Variants in LRP8 observed in about 807,000 individuals in gnomAD.
LRP8 encodes LDL receptor related protein 8, also known as low-density lipoprotein receptor-related protein 8.
A neutral mutation model predicts 111.6 loss-of-function variants in LRP8; 46 were observed. The ratio of observed to expected loss-of-function variants is 0.41; its 90% CI spans 0.33 to 0.53. The LOEUF is 0.53. LRP8 is among the 20% of genes least tolerant of loss of function. The probability of loss-of-function intolerance (pLI) is 0.20; values close to 1 mark genes in which losing one functional copy is unlikely to be tolerated. For synonymous variants in LRP8, 464 were observed against 511.2 expected (o/e 0.91, Z 1.24); for missense variants, 959 against 1,297.4 (o/e 0.74, Z 4.01).
In LRP8 at chr1:53,262,435, G is replaced by A. The variant is rs530685387; in HGVS notation, c.1774+11C>T. 6.2e-7 allele frequency: 1 copy of A among 1,612,414 alleles called. No homozygotes were observed. Among genetic ancestry groups the A allele is most frequent in the South Asian group, 1.1e-5 (1 of 91,026 alleles). ...AGAATAGGCCCCCAACCCAGGAAAG[G>A]CAGGGCTCACCCAGGGTGATTCCGT... On this transcript the variant is annotated intron_variant, in intron 11 of 18. Transcript: ENST00000306052. This position sits in a 1 kb window ranked among gnomAD's most constrained non-coding sequence, Gnocchi z 4.8.
chr1:53,292,076 C>G (rs1557818228), intron 2 of LRP8: 2 of 152,192 alleles, frequency 1.3e-5, no homozygotes, highest in African/African-American at 4.8e-5. Context: ...CATGGACCAC[C>G]TTTATTCAAA....
chr1:53,261,918 A>C, intron 12 of LRP8, 150 bp downstream of exon 12: 1 of 922,262 alleles, frequency 1.1e-6, no homozygotes, highest in Non-Finnish European at 1.6e-6. Context: ...CTTTGTGTGC[A>C]GGCAGCTCAC....
intron 16 of LRP8, among the ~76,000 whole-genome samples, chr1:53,252,206 C>G (rs943084730): frequency 6.6e-6 from 1 of 151,842 alleles, no homozygotes; most frequent in Non-Finnish European, 1.5e-5. Flanking sequence ...GATCATTAGC[C>G]GTCTTTTTAA....
chr1:53,250,793 C>T lies in LRP8; in HGVS notation c.2573G>A (p.Ser858Asn), dbSNP rs1317827909. The change falls in exon 17 of 19, where the codon AGC becomes AAC. Residue 858 changes from serine (S) to asparagine (N), a missense_variant. Physicochemically the swap from Ser to Asn is conservative, Grantham distance 46. This residue lies in a region of LRP8 where 819 missense variants were observed against 1,097.6 expected (regional missense o/e 0.75). Coordinates refer to ENST00000306052, the MANE Select transcript of LRP8 (RefSeq NM_004631.5). This position sits in a 1 kb window ranked among gnomAD's most constrained non-coding sequence, Gnocchi z 4.6. Reference protein sequence around the residue: ...WRNWKRKNTKSMNFDNPVYRK... With the variant: ...WRNWKRKNTKNMNFDNPVYRK... ...GTAGACTGGGTTGTCAAAATTCATG[C>T]TTTTGGTGTTCTTCCGCTTCCAGTT... The T allele has an allele frequency of 6.2e-7, 1 of 1,614,002 alleles. No individual in the cohort carries two copies. Among genetic ancestry groups the T allele is most frequent in the Admixed American group, 1.7e-5 (1 of 60,002 alleles).
At chr1:53,292,021 A>G (rs1233259114) in intron 2 of LRP8, 1 of 152,178 alleles carries the variant, frequency 6.6e-6, no homozygotes, top group African/African-American at 2.4e-5. Flanking sequence ...CCTCTGCTCC[A>G]TACTTACAGT....
Position 53,266,423 on chromosome 1 carries a change from C to A in LRP8, c.1427+50G>T, listed in dbSNP as rs753273452. 3.1e-6 allele frequency: 5 copies of A among 1,590,532 alleles called. No homozygotes were observed. The East Asian group carries it at 9.0e-5, about 29-fold the overall frequency. On this transcript the variant is annotated intron_variant, in intron 9 of 18. Coordinates refer to ENST00000306052, the MANE Select transcript of LRP8 (RefSeq NM_004631.5). The surrounding 1 kb of genome is among the most constrained non-coding windows in gnomAD (Gnocchi z 5.0). Reference sequence around the variant, plus strand: ...CTCCTCCCCTCCTCACCTGTCACCACCCCTCACCCCCACTCTTCATGCCTT... The same window carrying A: ...CTCCTCCCCTCCTCACCTGTCACCAACCCTCACCCCCACTCTTCATGCCTT...
At chr1:53,318,222 C>G (rs575502060) in intron 2 of LRP8, among the ~76,000 whole-genome samples, 4 of 151,728 alleles carry the variant, frequency 2.6e-5, no homozygotes, top group Admixed American at 2.0e-4. Flanking sequence ...AATGAAGGAA[C>G]AGTTTTGTAC....
At chr1:53,254,390 C>G (rs1572429446) in intron 16 of LRP8, among the ~76,000 whole-genome samples, 1 of 151,942 alleles carries the variant, frequency 6.6e-6, no homozygotes, top group African/African-American at 2.4e-5. Flanking sequence ...TTGATCCTCC[C>G]TCACTTGGCT....
chr1:53,276,725 C>G lies in LRP8; in HGVS notation c.850G>C (p.Asp284His). 1 of 1,527,556 alleles carries G rather than the reference C, an allele frequency of 6.5e-7. No individual in the cohort carries two copies. The highest frequency in any genetic ancestry group is 8.8e-7 in the Non-Finnish European group (1 of 1,140,248). 94.6% of individuals were successfully genotyped at this position (1,527,556 alleles called of 1,614,324 possible). The part of the protein sequence containing the change: ...HLGWRCDGDR[D>H]CKDKSDEADC... Reference sequence around the variant, plus strand: ...GCCTCGTCCGATTTGTCTTTGCAGTCGCGGTCGCCGTCGCAGCGCCAGCCC... The same window carrying G: ...GCCTCGTCCGATTTGTCTTTGCAGTGGCGGTCGCCGTCGCAGCGCCAGCCC... Residue 284 changes from aspartate (D) to histidine (H), a missense_variant, in exon 5 of 19, where the codon GAC becomes CAC. This residue lies in a region of LRP8 where 819 missense variants were observed against 1,097.6 expected (regional missense o/e 0.75). Coordinates refer to ENST00000306052, the MANE Select transcript of LRP8 (RefSeq NM_004631.5).
rs971641388 is a variant in LRP8, at chr1:53,275,068, G to T, written c.1006+563C>A. The stretch of plus-strand genomic sequence containing the variant: ...GCTGTGGGGATCTGCGTCTCATCTT[G>T]CAGGACTCAGGTCCTAGGAGGACCA... On this transcript the variant is annotated intron_variant, in intron 6 of 18. Coordinates refer to ENST00000306052, the MANE Select transcript of LRP8 (RefSeq NM_004631.5). This position sits in a 1 kb window ranked among gnomAD's most constrained non-coding sequence, Gnocchi z 4.4. 6.6e-6 allele frequency among the ~76,000 whole-genome samples: 1 copy of T among 152,192 alleles called. No individual in the cohort carries two copies. Among genetic ancestry groups the T allele is most frequent in the African/African-American group, 2.4e-5 (1 of 41,452 alleles).
At chr1:53,290,363 T>G (rs141608277) in intron 2 of LRP8, among the ~76,000 whole-genome samples, 1 of 152,282 alleles carries the variant, frequency 6.6e-6, no homozygotes, top group Non-Finnish European at 1.5e-5. Context: ...GCCTACATTT[T>G]CTTATCTATA....
At position 53,299,624 on chromosome 1, in the gene LRP8, CCCACCTGTGT is replaced by C. The variant is rs1650425973; in HGVS notation, c.245-9945_245-9936del. Among the ~76,000 whole-genome samples, 36 of 152,374 alleles carry C rather than the reference CCCACCTGTGT, an allele frequency of 2.4e-4. 1 individual carries two copies. The South Asian group carries it at 7.5e-3, about 32-fold the overall frequency. On this transcript the variant is annotated intron_variant, in intron 2 of 18. Coordinates refer to ENST00000306052, the MANE Select transcript of LRP8 (RefSeq NM_004631.5). The stretch of plus-strand genomic sequence containing the variant: ...TCCAGGGAGCCTCTGCCCACCTGTG[CCCACCTGTGT>C]GCCCAGCAGAAGGTCTGCAGGTTAA...
intron 2 of LRP8, chr1:53,306,203 G>T (rs902718004): frequency 6.6e-6 from 1 of 152,274 alleles, no homozygotes; most frequent in African/African-American, 2.4e-5. Context: ...CAATCTGGAA[G>T]CCTGGGGCTT....
intron 2 of LRP8, among the ~76,000 whole-genome samples, chr1:53,311,876 G>A (rs947933095): frequency 1.3e-5 from 2 of 152,236 alleles, no homozygotes; most frequent in Non-Finnish European, 2.9e-5. Context: ...TACAATGGGT[G>A]GAGTCATTCC....
At position 53,316,280 on chromosome 1, in the gene LRP8, T is replaced by C. The variant is rs560499920; in HGVS notation, c.244+10593A>G. Among the ~76,000 whole-genome samples the C allele has an allele frequency of 1.8e-3, 280 of 152,186 alleles. 2 individuals are homozygous for C. Among genetic ancestry groups the C allele is most frequent in the Admixed American group, 3.5e-3 (53 of 15,294 alleles). Reference sequence around the variant, plus strand: ...GGCCACGCTGGCCTGATGTACCACTTGGCCCCTACAGTAGGCAGTAGAGGC... The same window carrying C: ...GGCCACGCTGGCCTGATGTACCACTCGGCCCCTACAGTAGGCAGTAGAGGC... On this transcript the variant is annotated intron_variant, in intron 2 of 18. Transcript: ENST00000306052.
Position 53,257,033 on chromosome 1 carries a change from G to T in LRP8, c.2434+207C>A, listed in dbSNP as rs115581360. Among the ~76,000 whole-genome samples, 594 of 152,258 alleles carry T rather than the reference G, an allele frequency of 3.9e-3. 5 individuals are homozygous for T. The highest frequency in any genetic ancestry group is 0.014 in the African/African-American group (571 of 41,520). On this transcript the variant is annotated intron_variant, in intron 15 of 18. Coordinates refer to ENST00000306052, the MANE Select transcript of LRP8 (RefSeq NM_004631.5). Reference sequence around the variant, plus strand: ...AGCAACTGAGGCTCACAGGGTCTCAGCTTCCTACAAGACCCTCTGTAAGGT... The same window carrying T: ...AGCAACTGAGGCTCACAGGGTCTCATCTTCCTACAAGACCCTCTGTAAGGT...
chr1:53,281,797 C>G (rs1180804218), intron 3 of LRP8, among the ~76,000 whole-genome samples: 1 of 152,230 alleles, frequency 6.6e-6, no homozygotes, highest in African/African-American at 2.4e-5. Context: ...GTAAAGCAAG[C>G]ACCTAGAAGA....
rs1227799081 is a variant in LRP8 at position 53,294,618 on chromosome 1, G to A, written c.245-4929C>T. ...AAGGTGCAAGTTAGAGGTGTGTGAA[G>A]TCACAGCCCTGGCCCCAGCTGCCGT... On this transcript the variant is annotated intron_variant, in intron 2 of 18. Transcript: ENST00000306052. This position sits in a 1 kb window ranked among gnomAD's most constrained non-coding sequence, Gnocchi z 4.1. Among the ~76,000 whole-genome samples the A allele has an allele frequency of 6.6e-6, 1 of 152,212 alleles. No individual in the cohort carries two copies. Among genetic ancestry groups the A allele is most frequent in the Non-Finnish European group, 1.5e-5 (1 of 68,040 alleles).
rs1306143019 is a variant in LRP8 at position 53,242,868 on chromosome 1, C to T, written c.*4150G>A. Reference sequence around the variant, plus strand: ...ATATATATATATATATACACACACACACACGTGGCTTTTTAAAAATTACTT... The same window carrying T: ...ATATATATATATATATACACACACATACACGTGGCTTTTTAAAAATTACTT... On this transcript the variant is annotated 3_prime_UTR_variant, in exon 19 of 19. Transcript: ENST00000306052. The T allele has an allele frequency of 6.6e-6, 1 of 150,870 alleles. No homozygotes were observed. The highest frequency in any genetic ancestry group is 2.4e-5 in the African/African-American group (1 of 41,176). 9.3% of individuals were successfully genotyped at this position (150,870 alleles called of 1,614,324 possible).
Sources: allele counts gnomAD v4.1 joint callset (sites outside exome capture counted in the v4.1 genomes callset), GRCh38; gene constraint gnomAD v4.1.1; regional missense constraint gnomAD v4.1.1; non-coding constraint Gnocchi (gnomAD v3.1); transcripts MANE v1.5; gene names NCBI Gene and HGNC (gene_info 2026-07-23, HGNC 2026-07-21).